The following TOP1 variants were observed in gnomAD, a reference collection of about 807,000 sequenced individuals.
The protein encoded by TOP1 is DNA topoisomerase 1.
In TOP1, 10 loss-of-function variants were observed where a neutral mutation model predicts 111.1. The ratio of observed to expected loss-of-function variants is 0.09; its 90% CI spans 0.06 to 0.15. The LOEUF (loss-of-function observed/expected upper bound fraction) is 0.15, where lower values mean the gene tolerates loss of function less well. TOP1 is among the 10% of genes least tolerant of loss of function. The pLI, the probability that TOP1 is intolerant of heterozygous loss-of-function variation, is 1.00. For missense variants in TOP1, 474 were observed against 926.7 expected, an observed-to-expected ratio of 0.51 and a Z score of 6.34; for synonymous variants, 271 against 302.9, an observed-to-expected ratio of 0.89 and a Z score of 1.10.
chr20:41,118,108 C>CTG lies in TOP1; in HGVS notation c.1823-55_1823-54dup. 6.4e-7 allele frequency: 1 copy of CTG among 1,572,878 alleles called. No homozygotes were observed. Among genetic ancestry groups the CTG allele is most frequent in the Non-Finnish European group, 8.7e-7 (1 of 1,152,474 alleles). On this transcript the variant is annotated intron_variant, in intron 17 of 20. Coordinates refer to ENST00000361337, the MANE Select transcript of TOP1 (RefSeq NM_003286.4). The surrounding 1 kb of genome is among the most constrained non-coding windows in gnomAD (Gnocchi z 4.6). ...GGACGAGGCACTGGGGGAAGACATA[C>CTG]TGTGTGTTCACTTTTGGTGTACAAA...
At chr20:41,107,451 T>C (rs1255691616) in intron 13 of TOP1, among the ~76,000 whole-genome samples, 1 of 152,168 alleles carries the variant, frequency 6.6e-6, no homozygotes, top group Non-Finnish European at 1.5e-5. Context: ...GGGTGAGTTG[T>C]AGCACTCACT....
chr20:41,068,824 A>C (rs1478022382), intron 3 of TOP1, among the ~76,000 whole-genome samples: 4 of 152,236 alleles, frequency 2.6e-5, no homozygotes, highest in African/African-American at 9.6e-5. Flanking sequence ...TTTATCTTTA[A>C]TAGTAGATCT....
In TOP1 at chr20:41,115,266, T is replaced by G; in HGVS notation, c.1639-105T>G. ...TGAATCTCGGTGACGGATGTATGCG[T>G]GTTCCTTGTGCCTTTTTCTTTGCAA... is the stretch of plus-strand genomic sequence containing the variant. On this transcript the variant is annotated intron_variant, in intron 15 of 20. Transcript: ENST00000361337. The surrounding 1 kb of genome is among the most constrained non-coding windows in gnomAD (Gnocchi z 6.3). The G allele has an allele frequency of 1.4e-6, 1 of 727,516 alleles. No homozygotes were observed. The highest frequency in any genetic ancestry group is 1.6e-5 in the South Asian group (1 of 61,548). The allele number at this position is 727,516 out of a possible 1,614,324, so 45.1% of individuals were successfully genotyped here.
intron 3 of TOP1, among the ~76,000 whole-genome samples, chr20:41,066,227 T>C (rs910414287): frequency 1.3e-5 from 2 of 152,058 alleles, no homozygotes; most frequent in African/African-American, 4.8e-5. Flanking sequence ...AGTTTGGCCC[T>C]GTCCTGTTTT....
At chr20:41,062,600 C>T (rs1458485531) in intron 3 of TOP1, among the ~76,000 whole-genome samples, 3 of 152,146 alleles carry the variant, frequency 2.0e-5, no homozygotes, top group Non-Finnish European at 4.4e-5. Context: ...ATCTACCGTA[C>T]AGCAAAGAAT....
chr20:41,073,428 A>G, intron 3 of TOP1: 6 of 985,238 alleles, frequency 6.1e-6, no homozygotes, highest in African/African-American at 1.7e-5. Flanking sequence ...AGCAACCCCA[A>G]AGGTTTTTAT....
chr20:41,066,789 C>T (rs2033613922), intron 3 of TOP1, among the ~76,000 whole-genome samples: 6 of 152,034 alleles, frequency 3.9e-5, no homozygotes, highest in Admixed American at 3.3e-4. Context: ...CTCCTGACCT[C>T]GTGATCCACC....
In TOP1 at chr20:41,115,364, C is replaced by T. The variant is rs1363713630; in HGVS notation, c.1639-7C>T. The T allele has an allele frequency of 6.3e-7, 1 of 1,598,182 alleles. No individual in the cohort carries two copies. Among genetic ancestry groups the T allele is most frequent in the Admixed American group, 1.7e-5 (1 of 59,936 alleles). On this transcript the variant is annotated splice_region_variant and splice_polypyrimidine_tract_variant and intron_variant, in intron 15 of 20. Transcript: ENST00000361337. The surrounding 1 kb of genome is among the most constrained non-coding windows in gnomAD (Gnocchi z 6.3). ...AGTAATAATTAGGATTCACTTATAT[C>T]TTTTAGGTTTTTAAGAACCTACAAC...
chr20:41,071,613 A>G lies in TOP1; in HGVS notation c.156-4558A>G, dbSNP rs1600572053. Among the ~76,000 whole-genome samples the G allele has an allele frequency of 6.6e-6, 1 of 151,818 alleles. No homozygotes were observed. Among genetic ancestry groups the G allele is most frequent in the Non-Finnish European group, 1.5e-5 (1 of 67,894 alleles). On this transcript the variant is annotated intron_variant, in intron 3 of 20. Transcript: ENST00000361337. The surrounding 1 kb of genome is among the most constrained non-coding windows in gnomAD (Gnocchi z 4.3). ...GCCCGCCTCGGCCTCCTGAAGTGCT[A>G]GGATTACAGGCATGAGCCACCACGC...
intron 2 of TOP1, among the ~76,000 whole-genome samples, chr20:41,044,778 C>CTGTG (rs1343648974): frequency 2.6e-5 from 4 of 151,756 alleles, no homozygotes; most frequent in Non-Finnish European, 5.9e-5. Flanking sequence ...TGAGGTGTGT[C>CTGTG]TGTGTGTGTG....
chr20:41,123,713 TA>T lies in TOP1; in HGVS notation c.*419del, dbSNP rs2034454074. ...AATAACTTCTATATTTTAATAGAAA[TA>T]AATTCCTAAACTCCCTTCCCTCTCT... On this transcript the variant is annotated 3_prime_UTR_variant, in exon 21 of 21. Transcript: ENST00000361337. The surrounding 1 kb of genome is among the most constrained non-coding windows in gnomAD (Gnocchi z 5.8). 4.3e-6 allele frequency: 1 copy of T among 232,760 alleles called. No homozygotes were observed. Among genetic ancestry groups the T allele is most frequent in the Non-Finnish European group, 8.5e-6 (1 of 117,706 alleles). 14.4% of individuals were successfully genotyped at this position (232,760 alleles called of 1,614,324 possible).
At position 41,032,230 on chromosome 20, in the gene TOP1, T is replaced by C. The variant is rs2033129301; in HGVS notation, c.58+2775T>C. ...TTGCCTGCCCTCATCCCCTAAGATA[T>C]AAAAGATTCCCCCCCGTCCCCCCAC... On this transcript the variant is annotated intron_variant, in intron 2 of 20. Coordinates refer to ENST00000361337, the MANE Select transcript of TOP1 (RefSeq NM_003286.4). The surrounding 1 kb of genome is among the most constrained non-coding windows in gnomAD (Gnocchi z 4.3). 6.6e-6 allele frequency among the ~76,000 whole-genome samples: 1 copy of C among 152,252 alleles called. No individual in the cohort carries two copies.
At chr20:41,093,501 A>G (rs1037124019) in intron 9 of TOP1, among the ~76,000 whole-genome samples, 2 of 150,660 alleles carry the variant, frequency 1.3e-5, no homozygotes, top group African/African-American at 4.9e-5. Context: ...TTTCCCCAGC[A>G]TTCCTCTTCC....
rs1956765587 is a variant in TOP1, at chr20:41,058,669, G to A, written c.59-2725G>A. Among the ~76,000 whole-genome samples, 1 of 152,118 alleles carries A rather than the reference G, an allele frequency of 6.6e-6. No homozygotes were observed. Among genetic ancestry groups the A allele is most frequent in the African/African-American group, 2.4e-5 (1 of 41,412 alleles). ...CAATTCCACTTCATCTTGTTTGTTA[G>A]GAGTGAGTCACAGTGTCCAGCCCAC... On this transcript the variant is annotated intron_variant, in intron 2 of 20. Transcript: ENST00000361337. This position sits in a 1 kb window ranked among gnomAD's most constrained non-coding sequence, Gnocchi z 4.2.
rs1444428613 is a variant in TOP1, at chr20:41,098,825, C to A, written c.975+488C>A. On this transcript the variant is annotated intron_variant, in intron 11 of 20. Transcript: ENST00000361337. The surrounding 1 kb of genome is among the most constrained non-coding windows in gnomAD (Gnocchi z 5.7). ...ATGTCATTTTTCTTCTACAGGCTGC[C>A]TGTTTTTGTAAAAAAAAAAAAAAAA... The A allele has an allele frequency of 6.7e-6, 1 of 149,956 alleles. No homozygotes were observed. The highest frequency in any genetic ancestry group is 2.5e-5 in the African/African-American group (1 of 40,564). 9.3% of individuals were successfully genotyped at this position (149,956 alleles called of 1,614,324 possible).
Position 41,063,145 on chromosome 20 carries a change from A to G in TOP1, c.155+1655A>G, listed in dbSNP as rs573211546. Among the ~76,000 whole-genome samples, 6 of 152,238 alleles carry G rather than the reference A, an allele frequency of 3.9e-5. No homozygotes were observed. The South Asian group carries it at 1.2e-3, about 32-fold the overall frequency. ...TATTATTGCCATCTTTATGTCCATG[A>G]GCACCCGATGTTTAGCTCCTGCTTA... On this transcript the variant is annotated intron_variant, in intron 3 of 20. Transcript: ENST00000361337.
chr20:41,083,610 T>C lies in TOP1; in HGVS notation c.508-852T>C, dbSNP rs953532879. ...ACTTTCCAGCTGTGCCACTCTTTAA[T>C]TGATTTTAAGATGGTTCAAAACCAC... is the stretch of plus-strand genomic sequence containing the variant. On this transcript the variant is annotated intron_variant, in intron 7 of 20. Coordinates refer to ENST00000361337, the MANE Select transcript of TOP1 (RefSeq NM_003286.4). This position sits in a 1 kb window ranked among gnomAD's most constrained non-coding sequence, Gnocchi z 7.2. Among the ~76,000 whole-genome samples, 8 of 152,310 alleles carry C rather than the reference T, an allele frequency of 5.3e-5. No individual in the cohort carries two copies. The highest frequency in any genetic ancestry group is 1.4e-4 in the African/African-American group (6 of 41,564).
Position 41,079,835 on chromosome 20 carries a change from A to G in TOP1, c.336-250A>G, listed in dbSNP as rs1038519259. ...AGATAGCTAAGAAATAGTGAGAAAG[A>G]ATTCTGACTTAGAATAAAGAGTCTT... On this transcript the variant is annotated intron_variant, in intron 5 of 20. Coordinates refer to ENST00000361337, the MANE Select transcript of TOP1 (RefSeq NM_003286.4). The surrounding 1 kb of genome is among the most constrained non-coding windows in gnomAD (Gnocchi z 4.0). 6.6e-6 allele frequency among the ~76,000 whole-genome samples: 1 copy of G among 152,238 alleles called. No homozygotes were observed. The highest frequency in any genetic ancestry group is 1.5e-5 in the Non-Finnish European group (1 of 68,044).
rs2034058397 is a variant in TOP1 at position 41,101,179 on chromosome 20, T to G, written c.1164-30T>G. ...GGTGAAATTATTCCTCACATCTTAT[T>G]TCACTATCCTCGTGCTCTGTTATTT... is the stretch of plus-strand genomic sequence containing the variant. On this transcript the variant is annotated intron_variant, in intron 12 of 20. Transcript: ENST00000361337. This position sits in a 1 kb window ranked among gnomAD's most constrained non-coding sequence, Gnocchi z 4.1. 6.8e-6 allele frequency: 11 copies of G among 1,612,192 alleles called. No homozygotes were observed. The highest frequency in any genetic ancestry group is 1.3e-5 in the African/African-American group (1 of 74,846).
Sources: gnomAD v4.1 joint callset for allele counts (sites outside exome capture counted in the v4.1 genomes callset) on GRCh38, gnomAD v4.1.1 for gene constraint, Gnocchi (gnomAD v3.1) non-coding constraint, MANE v1.5 for transcripts, NCBI Gene and HGNC (gene_info 2026-07-23, HGNC 2026-07-21) for gene names.